Variants in OR51B5 observed in about 807,000 individuals in gnomAD.
OR51B5 encodes olfactory receptor 51B5.
For synonymous variants in OR51B5, 186 were observed against 144.8 expected (o/e 1.28, Z -2.04); for missense variants, 456 against 374.6 (o/e 1.22, Z -1.79).
intron 1 of OR51B5, among the ~76,000 whole-genome samples, chr11:5,413,228 G>A (rs1341439466): frequency 6.6e-6 from 1 of 152,174 alleles, no homozygotes; most frequent in East Asian, 1.9e-4. Context: ...TGAGGGTCCT[G>A]TCTGTTAGAA....
At chr11:5,502,231 G>T (rs1457696258) in intron 1 of OR51B5, among the ~76,000 whole-genome samples, 5 of 152,166 alleles carry the variant, frequency 3.3e-5, no homozygotes, top group Admixed American at 3.3e-4. Context: ...GAGAATCAAT[G>T]TCTCTACATG....
intron 1 of OR51B5, among the ~76,000 whole-genome samples, chr11:5,388,236 T>C (rs1019262250): frequency 6.6e-6 from 1 of 151,912 alleles, no homozygotes; most frequent in African/African-American, 2.4e-5. Flanking sequence ...AGAGCTAATA[T>C]TAAAATTAAA....
intron 1 of OR51B5, chr11:5,389,865 C>A: frequency 2.5e-6 from 4 of 1,613,676 alleles, no homozygotes; most frequent in Non-Finnish European, 3.4e-6. Context: ...GTGGTCAGAG[C>A]AGGCCTAATT....
chr11:5,443,246 C>T (rs1479549268), intron 1 of OR51B5, among the ~76,000 whole-genome samples: 7 of 152,132 alleles, frequency 4.6e-5, no homozygotes, highest in African/African-American at 1.7e-4. Context: ...TACCACTCCT[C>T]ATAAACAGAG....
chr11:5,351,095 C>G (rs1849077783), intron 1 of OR51B5, among the ~76,000 whole-genome samples: 1 of 152,100 alleles, frequency 6.6e-6, no homozygotes, highest in Non-Finnish European at 1.5e-5. Context: ...TTACATCCAC[C>G]CTATAATACC....
intron 1 of OR51B5, among the ~76,000 whole-genome samples, chr11:5,457,023 C>T (rs1391833252): frequency 6.6e-6 from 1 of 152,186 alleles, no homozygotes; most frequent in Non-Finnish European, 1.5e-5. Flanking sequence ...CCTATGCCAG[C>T]ATCATGCTTC....
chr11:5,444,863 A>G (rs1450129669), intron 1 of OR51B5, among the ~76,000 whole-genome samples: 2 of 152,168 alleles, frequency 1.3e-5, no homozygotes, highest in East Asian at 1.9e-4. Context: ...GTAATCATCC[A>G]TATCTATTAG....
chr11:5,374,988 C>CAAACAT (rs1444105288), intron 1 of OR51B5, among the ~76,000 whole-genome samples: 1 of 151,640 alleles, frequency 6.6e-6, no homozygotes, highest in Non-Finnish European at 1.5e-5. Context: ...GAGAACGCCA[C>CAAACAT]AAACATACTC....
intron 1 of OR51B5, among the ~76,000 whole-genome samples, chr11:5,370,367 A>C (rs1849429526): frequency 2.6e-5 from 4 of 152,190 alleles, no homozygotes; most frequent in Admixed American, 6.5e-5. Flanking sequence ...TCATCTGCAA[A>C]GACTAAACTA....
rs895878725 is a variant in OR51B5, at chr11:5,390,501, T to C, written n.85-43591A>G. ...TTTTGCCCCTGTCCTAAATAAAATA[T>C]GGGCAAATTTATGTCTGGAGTTGTG... is the stretch of plus-strand genomic sequence containing the variant. On this transcript the variant is annotated intron_variant and non_coding_transcript_variant, in intron 1 of 4. Transcript: ENST00000415970. 3.1e-5 allele frequency: 25 copies of C among 799,234 alleles called. No homozygotes were observed. In the African/African-American group the frequency reaches 3.5e-4, roughly 11 times the overall value. 49.5% of individuals were successfully genotyped at this position (799,234 alleles called of 1,614,324 possible). A position where few individuals can be genotyped will look rare whatever the true frequency, so the allele number is the denominator to read the frequency against.
intron 1 of OR51B5, chr11:5,440,776 T>C (rs1162795998): frequency 6.2e-7 from 1 of 1,613,900 alleles, no homozygotes; most frequent in East Asian, 2.2e-5. Context: ...ACTGCACAGA[T>C]GTGTGACATG....
At chr11:5,408,152 A>G (rs1221169798) in intron 1 of OR51B5, among the ~76,000 whole-genome samples, 1 of 152,140 alleles carries the variant, frequency 6.6e-6, no homozygotes, top group East Asian at 1.9e-4. Context: ...GCAGTTCCAA[A>G]TTAGCTTTCA....
At chr11:5,376,282 A>G (rs1849526873) in intron 1 of OR51B5, among the ~76,000 whole-genome samples, 1 of 152,186 alleles carries the variant, frequency 6.6e-6, no homozygotes, top group Admixed American at 6.5e-5. Context: ...AAGACACAAC[A>G]TACCAGAATC....
chr11:5,342,599 C>G, exon 1 of OR51B5: 1 of 1,586,810 alleles, frequency 6.3e-7, no homozygotes, highest in Non-Finnish European at 8.6e-7. Flanking sequence ...GGTTCCAATT[C>G]TATGGGTAGT....
At chr11:5,453,913 C>T in intron 1 of OR51B5, 1 of 1,614,214 alleles carries the variant, frequency 6.2e-7, no homozygotes. Context: ...GAAGTCATTG[C>T]TGCAATGGGT....
At chr11:5,487,692 TG>T (rs1379320587) in intron 1 of OR51B5, among the ~76,000 whole-genome samples, 1 of 152,206 alleles carries the variant, frequency 6.6e-6, no homozygotes, top group Non-Finnish European at 1.5e-5. Flanking sequence ...CCTTTATGGG[TG>T]GTAAATCCAG....
intron 1 of OR51B5, among the ~76,000 whole-genome samples, chr11:5,475,775 T>C (rs1325103723): frequency 6.6e-6 from 1 of 152,216 alleles, no homozygotes; most frequent in Admixed American, 6.5e-5. Flanking sequence ...GGCATACAAC[T>C]AATATTTTTG....
chr11:5,484,135 A>C (rs567338061), intron 1 of OR51B5, among the ~76,000 whole-genome samples: 3 of 152,234 alleles, frequency 2.0e-5, no homozygotes, highest in Admixed American at 2.0e-4. Flanking sequence ...TGTGCAGGTA[A>C]GTTCTTGAAA....
chr11:5,464,253 T>C (rs1851099017), intron 1 of OR51B5, among the ~76,000 whole-genome samples: 2 of 152,232 alleles, frequency 1.3e-5, no homozygotes, highest in South Asian at 4.1e-4. Flanking sequence ...TTGGGTGATT[T>C]TAACACAAAA....
Sources: allele counts gnomAD v4.1 joint callset (sites outside exome capture counted in the v4.1 genomes callset), GRCh38; gene constraint gnomAD v4.1.1; transcripts MANE v1.5; gene names NCBI Gene and HGNC (gene_info 2026-07-23, HGNC 2026-07-21).